APOL3: variants seen among roughly 807,000 people sequenced by gnomAD.
APOL3 encodes the protein TNF-inducible protein CG12-1.
APOL3 carries 14 observed loss-of-function variants against 11.6 expected under a neutral mutation model. The observed-to-expected ratio is 1.21, with a 90% CI of 0.80 to 1.89. The LOEUF (loss-of-function observed/expected upper bound fraction) is 1.89, where lower values mean the gene tolerates loss of function less well. APOL3 is among the 40% of genes most tolerant of loss of function. The pLI is 0.00. For missense variants in APOL3, 483 were observed against 492.1 expected, an observed-to-expected ratio of 0.98 and a Z score of 0.17; for synonymous variants, 192 against 190.6, an observed-to-expected ratio of 1.01 and a Z score of -0.06.
intron 1 of APOL3, chr22:36,146,040 C>CT (rs1569529128): frequency 6.6e-6 from 1 of 152,488 alleles, no homozygotes; most frequent in African/African-American, 2.4e-5. Context: ...CACATACACC[C>CT]CCCACACTGG....
chr22:36,152,296 C>G (rs181400985), intron 1 of APOL3, among the ~76,000 whole-genome samples: 1 of 152,144 alleles, frequency 6.6e-6, no homozygotes, highest in Admixed American at 6.5e-5. Flanking sequence ...AAACTAAAGC[C>G]GTGCAGCAAA....
chr22:36,147,924 G>A (rs186697514), intron 1 of APOL3, among the ~76,000 whole-genome samples: 3 of 152,294 alleles, frequency 2.0e-5, no homozygotes, highest in East Asian at 1.9e-4. Flanking sequence ...CTTACGTTAG[G>A]CACAAACAAA....
intron 1 of APOL3, among the ~76,000 whole-genome samples, chr22:36,147,488 C>T (rs78317688): frequency 0.054 from 8,243 of 152,216 alleles, 744 homozygotes; most frequent in African/African-American, 0.19. Flanking sequence ...TGAAGGATTC[C>T]GGGGTTGGCT....
At chr22:36,149,913 G>A in intron 1 of APOL3, 1 of 456,116 alleles carries the variant, frequency 2.2e-6, no homozygotes, top group Non-Finnish European at 4.4e-6. Flanking sequence ...TGCAAGTGAT[G>A]CTTCTGCTTC....
At chr22:36,163,082 C>T (rs923060541), upstream of APOL3, among the ~76,000 whole-genome samples, 2 of 152,088 alleles carry the variant, frequency 1.3e-5, no homozygotes, top group South Asian at 4.1e-4. Flanking sequence ...AGCTGTTTAA[C>T]GTGATTAAAC....
chr22:36,140,962 C>T, exon 3 of APOL3: 1 of 543,460 alleles, frequency 1.8e-6, no homozygotes, highest in Non-Finnish European at 3.2e-6. Flanking sequence ...CTATTCCCCA[C>T]ACTCTCCAGT....
At chr22:36,148,927 G>A (rs1438438349) in intron 1 of APOL3, 119 bp downstream of exon 2, 1 of 993,806 alleles carries the variant, frequency 1.0e-6, no homozygotes, top group African/African-American at 1.7e-5. Flanking sequence ...GCTCAGGGAA[G>A]ACTCATCGGC....
chr22:36,161,071 T>A (rs971782128), upstream of APOL3: 2 of 617,192 alleles, frequency 3.2e-6, no homozygotes, highest in Non-Finnish European at 5.7e-6. Context: ...CCACCCCCAA[T>A]AACACCACAC....
exon 3 of APOL3, chr22:36,141,694 T>C (rs764798380): frequency 4.3e-6 from 7 of 1,614,012 alleles, no homozygotes; most frequent in East Asian, 4.5e-5. Context: ...TGCTCCACGA[T>C]GCTGGTGGTG....
At chr22:36,163,708 C>G (rs111239577), upstream of APOL3, among the ~76,000 whole-genome samples, 1 of 152,340 alleles carries the variant, frequency 6.6e-6, no homozygotes, top group African/African-American at 2.4e-5. Context: ...GGGACACTCT[C>G]TCCTGGTAAT....
chr22:36,153,546 G>A (rs1007416773), intron 1 of APOL3: 9 of 380,524 alleles, frequency 2.4e-5, no homozygotes, highest in Non-Finnish European at 4.3e-5. Flanking sequence ...CTCAACATAC[G>A]GGCTTCTTTT....
intron 1 of APOL3, among the ~76,000 whole-genome samples, chr22:36,150,471 C>T (rs2060390680): frequency 1.3e-5 from 2 of 152,130 alleles, no homozygotes; most frequent in African/African-American, 2.4e-5. Flanking sequence ...AGATGTTCAG[C>T]GACTTGCCCA....
At chr22:36,150,778 G>A (rs1257912807) in intron 1 of APOL3, among the ~76,000 whole-genome samples, 1 of 152,304 alleles carries the variant, frequency 6.6e-6, no homozygotes, top group African/African-American at 2.4e-5. Context: ...CCAGTTACCC[G>A]GGAGGCTGAG....
chr22:36,156,563 C>G (rs994335060), intron 1 of APOL3, among the ~76,000 whole-genome samples: 6 of 152,304 alleles, frequency 3.9e-5, no homozygotes, highest in African/African-American at 9.6e-5. Flanking sequence ...CTACTCCCCC[C>G]ACTCCCATTC....
chr22:36,153,543 T>A, intron 1 of APOL3: 1 of 384,016 alleles, frequency 2.6e-6, no homozygotes, highest in South Asian at 1.9e-5. Flanking sequence ...CCACTCAACA[T>A]ACGGGCTTCT....
At chr22:36,160,282 G>C (rs1320461399) in intron 1 of APOL3, among the ~76,000 whole-genome samples, 1 of 152,138 alleles carries the variant, frequency 6.6e-6, no homozygotes, top group Admixed American at 6.5e-5. Context: ...AGAAGGACAG[G>C]CCAGGCTCTG....
chr22:36,153,264 T>C (rs1305411723), intron 1 of APOL3: 17 of 370,654 alleles, frequency 4.6e-5, no homozygotes, highest in African/African-American at 3.0e-4. Flanking sequence ...AGTTACTTTA[T>C]AGTAGTTAGT....
chr22:36,162,845 C>T (rs529183192), upstream of APOL3, among the ~76,000 whole-genome samples: 252 of 152,284 alleles, frequency 1.7e-3, no homozygotes, highest in South Asian at 7.9e-3. Flanking sequence ...TTCAGCATGG[C>T]TTTTAATATG....
At chr22:36,160,920 C>T (rs375230656) in exon 1 of APOL3, 11 of 1,599,760 alleles carry the variant, frequency 6.9e-6, no homozygotes, top group Admixed American at 5.1e-5. Flanking sequence ...CTTGGTCCCA[C>T]CCTCCTGCTG....
Sources: gnomAD v4.1 joint callset for allele counts (sites outside exome capture counted in the v4.1 genomes callset) on GRCh38, gnomAD v4.1.1 for gene constraint, MANE v1.5 for transcripts, NCBI Gene and HGNC (gene_info 2026-07-23, HGNC 2026-07-21) for gene names.